TIGAR: variants seen among roughly 807,000 people sequenced by gnomAD.
The protein encoded by TIGAR is TP53 induced glycolysis regulatory phosphatase, also known as fructose-2,6-bisphosphatase TIGAR.
In TIGAR, 7 loss-of-function variants were observed where a neutral mutation model predicts 17.9. The ratio of observed to expected loss-of-function variants is 0.39; its 90% confidence interval spans 0.22 to 0.73. The LOEUF (loss-of-function observed/expected upper bound fraction) is 0.73, where lower values mean the gene tolerates loss of function less well. Among genes scored for constraint, TIGAR ranks in the 30% least tolerant of loss-of-function variants. The pLI, the probability that TIGAR is intolerant of heterozygous loss-of-function variation, is 0.42. For missense variants in TIGAR, 258 were observed against 327.4 expected, an observed-to-expected ratio of 0.79 and a Z score of 1.64; for synonymous variants, 94 against 108.6, an observed-to-expected ratio of 0.87 and a Z score of 0.84.
At position 4,358,147 on chromosome 12, in the gene TIGAR, A is replaced by G. The variant is rs1030831263; in HGVS notation, c.*5456A>G. ...TCATTTGATAAATAATGGGCTGTGC[A>G]TGGTGACTCAGGCCTGTAATCCCAG... On this transcript the variant is annotated 3_prime_UTR_variant, in exon 6 of 6. Transcript: ENST00000179259. Among the ~76,000 whole-genome samples the G allele has an allele frequency of 1.4e-5, 2 of 144,946 alleles. No individual in the cohort carries two copies. Among genetic ancestry groups the G allele is most frequent in the African/African-American group, 2.6e-5 (1 of 39,154 alleles).
At chr12:4,340,324 T>C (rs879280650) in intron 3 of TIGAR, among the ~76,000 whole-genome samples, 4 of 152,158 alleles carry the variant, frequency 2.6e-5, no homozygotes, top group Admixed American at 6.5e-5. Context: ...TAAAATTAAA[T>C]ACTCAGGAAT....
At chr12:4,337,702 A>G (rs950837472) in intron 3 of TIGAR, among the ~76,000 whole-genome samples, 1 of 152,250 alleles carries the variant, frequency 6.6e-6, no homozygotes, top group Non-Finnish European at 1.5e-5. Flanking sequence ...GAGAGAGAGC[A>G]GGGAAAATGA....
intron 3 of TIGAR, among the ~76,000 whole-genome samples, chr12:4,341,798 G>A (rs1176734839): frequency 6.6e-6 from 1 of 152,176 alleles, no homozygotes; most frequent in Non-Finnish European, 1.5e-5. Context: ...AAAAAACAGA[G>A]CAGAAAAACT....
chr12:4,329,357 G>C (rs1256436555), intron 1 of TIGAR, among the ~76,000 whole-genome samples: 1 of 42,462 alleles, frequency 2.4e-5, no homozygotes, highest in Admixed American at 3.0e-4. Context: ...TTTTTTTTGT[G>C]AGACAGGGTC....
In TIGAR at chr12:4,336,398, C is replaced by T. The variant is rs1372025488; in HGVS notation, c.71-641C>T. Among the ~76,000 whole-genome samples, 4 of 150,300 alleles carry T rather than the reference C, an allele frequency of 2.7e-5. No individual in the cohort carries two copies. The South Asian group carries it at 6.3e-4, about 24-fold the overall frequency. On this transcript the variant is annotated intron_variant, in intron 2 of 5. Coordinates refer to ENST00000179259, the MANE Select transcript of TIGAR (RefSeq NM_020375.3). Reference sequence around the variant, plus strand: ...AGCTCAGGGCTTTGGGGTTGCTTTACTTTGTCCCTTGGAGATTTTTTGTAT... The same window carrying T: ...AGCTCAGGGCTTTGGGGTTGCTTTATTTTGTCCCTTGGAGATTTTTTGTAT...
chr12:4,332,674 G>T (rs1303268933), intron 2 of TIGAR, among the ~76,000 whole-genome samples: 2 of 152,146 alleles, frequency 1.3e-5, no homozygotes, highest in Non-Finnish European at 2.9e-5. Flanking sequence ...AAATGCTTTT[G>T]TGTTCTGTCA....
intron 1 of TIGAR, among the ~76,000 whole-genome samples, chr12:4,323,810 C>T (rs968639098): frequency 6.6e-6 from 1 of 152,158 alleles, no homozygotes; most frequent in Non-Finnish European, 1.5e-5. Context: ...AGTGAGAGGG[C>T]TGGTTCAATG....
chr12:4,329,523 G>C (rs1317587147), intron 1 of TIGAR, among the ~76,000 whole-genome samples: 1 of 151,800 alleles, frequency 6.6e-6, no homozygotes, highest in Non-Finnish European at 1.5e-5. Context: ...ATTTTTAGTA[G>C]AGATGGGGTT....
At chr12:4,345,754 C>T (rs548765692) in intron 3 of TIGAR, among the ~76,000 whole-genome samples, 2 of 152,140 alleles carry the variant, frequency 1.3e-5, no homozygotes, top group Non-Finnish European at 2.9e-5. Context: ...CCAAAGTTGA[C>T]GAATGGGATC....
rs1412778153 is a variant in TIGAR, at chr12:4,356,115, C to A, written c.*3424C>A. On this transcript the variant is annotated 3_prime_UTR_variant, in exon 6 of 6. Transcript: ENST00000179259. The stretch of plus-strand genomic sequence containing the variant: ...ACCATCCTGCTTGCAATGTGGAGAG[C>A]AGGCTGTAGGGGGTGCTATAGGAGC... 1.3e-5 allele frequency among the ~76,000 whole-genome samples: 2 copies of A among 152,132 alleles called. No homozygotes were observed. Among genetic ancestry groups the A allele is most frequent in the Non-Finnish European group, 2.9e-5 (2 of 68,020 alleles).
chr12:4,336,320 C>T (rs118007388), intron 2 of TIGAR, among the ~76,000 whole-genome samples: 54 of 152,230 alleles, frequency 3.5e-4, no homozygotes, highest in South Asian at 8.3e-4. Context: ...GCCCCACCAG[C>T]GTGTCCTCAT....
chr12:4,346,903 G>C (rs1052463366), intron 3 of TIGAR, among the ~76,000 whole-genome samples: 5 of 152,126 alleles, frequency 3.3e-5, no homozygotes, highest in African/African-American at 1.2e-4. Context: ...AATAACACAT[G>C]CAGGCAAGGC....
intron 2 of TIGAR, among the ~76,000 whole-genome samples, chr12:4,334,011 T>G (rs1864632633): frequency 6.6e-6 from 1 of 152,176 alleles, no homozygotes; most frequent in Non-Finnish European, 1.5e-5. Flanking sequence ...ATAGTCTTTC[T>G]TTTTTTAATC....
chr12:4,325,220 G>A (rs1324366844), intron 1 of TIGAR, among the ~76,000 whole-genome samples: 3 of 151,968 alleles, frequency 2.0e-5, no homozygotes, highest in Non-Finnish European at 4.4e-5. Flanking sequence ...GGGATTACAG[G>A]CGTGAGCCAC....
chr12:4,335,123 C>T (rs1042765670), intron 2 of TIGAR, among the ~76,000 whole-genome samples: 3 of 152,014 alleles, frequency 2.0e-5, no homozygotes, highest in Non-Finnish European at 4.4e-5. Context: ...CTGCAACCTC[C>T]GCCTCCTGGG....
In TIGAR at chr12:4,356,561, G is replaced by A. The variant is rs915625950; in HGVS notation, c.*3870G>A. ...GACCAGTGCATCTGTTACCATCGGT[G>A]AGCCCACATTACACTGACATATCCA... On this transcript the variant is annotated 3_prime_UTR_variant, in exon 6 of 6. Transcript: ENST00000179259. 6.6e-6 allele frequency among the ~76,000 whole-genome samples: 1 copy of A among 152,018 alleles called. No individual in the cohort carries two copies. Among genetic ancestry groups the A allele is most frequent in the Non-Finnish European group, 1.5e-5 (1 of 68,028 alleles).
chr12:4,326,266 G>T (rs1002801839), intron 1 of TIGAR, among the ~76,000 whole-genome samples: 2 of 152,148 alleles, frequency 1.3e-5, no homozygotes, highest in Non-Finnish European at 2.9e-5. Flanking sequence ...TTTCAGCTCC[G>T]TTCACCTTCT....
chr12:4,337,187 A>T, intron 3 of TIGAR, 27 bp downstream of exon 3: 1 of 1,545,610 alleles, frequency 6.5e-7, no homozygotes, highest in Non-Finnish European at 8.9e-7. Context: ...ATTTATTTTG[A>T]GACAGAGCGT....
At position 4,352,839 on chromosome 12, in the gene TIGAR, T is replaced by G. The variant is rs1351345572; in HGVS notation, c.*148T>G. The G allele has an allele frequency of 1.5e-6, 1 of 675,498 alleles. No individual in the cohort carries two copies. The highest frequency in any genetic ancestry group is 3.0e-5 in the Admixed American group (1 of 33,748). The allele number at this position is 675,498 out of a possible 1,614,324, so 41.8% of individuals were successfully genotyped here. A position where few individuals can be genotyped will look rare whatever the true frequency, so the allele number is the denominator to read the frequency against. Reference sequence around the variant, plus strand: ...GTGGAACCATAGCCACATAAAACTTTAATGGACAACCATATAGAATTAACT... The same window carrying G: ...GTGGAACCATAGCCACATAAAACTTGAATGGACAACCATATAGAATTAACT... On this transcript the variant is annotated 3_prime_UTR_variant, in exon 6 of 6. Transcript: ENST00000179259.
Sources: allele counts gnomAD v4.1 joint callset (sites outside exome capture counted in the v4.1 genomes callset), GRCh38; gene constraint gnomAD v4.1.1; transcripts MANE v1.5; gene names NCBI Gene and HGNC (gene_info 2026-07-23, HGNC 2026-07-21).